The following SNX21 variants were observed in gnomAD, a reference collection of about 807,000 sequenced individuals.
The protein encoded by SNX21 is sorting nexin family member 21.
In SNX21, 36 loss-of-function variants were observed where a neutral mutation model predicts 30.9. The observed-to-expected ratio is 1.16, with a 90% CI of 0.89 to 1.54. The LOEUF (loss-of-function observed/expected upper bound fraction) is 1.54, where lower values mean the gene tolerates loss of function less well. SNX21 is among the 40% of genes most tolerant of loss of function. The probability of loss-of-function intolerance (pLI) is 0.00; values close to 1 mark genes in which losing one functional copy is unlikely to be tolerated. For synonymous variants in SNX21, 218 were observed against 222.7 expected, an observed-to-expected ratio of 0.98 and a Z score of 0.19; for missense variants, 508 against 516.5, an observed-to-expected ratio of 0.98 and a Z score of 0.16.
At position 45,834,978 on chromosome 20, in the gene SNX21, TGGGCAGTG is replaced by T. The variant is rs768332683; in HGVS notation, c.317_324del (p.Trp106SerfsTer31). The T allele has an allele frequency of 6.2e-7, 1 of 1,614,020 alleles. No homozygotes were observed. Among genetic ancestry groups the T allele is most frequent in the South Asian group, 1.1e-5 (1 of 91,074 alleles). ...CTGCAGAACGGAGCCCCCCACCTGA[TGGGCAGTG>T]GGGCAGTCAGCTCCTGGCGCGGCAG... On this transcript the variant is annotated frameshift_variant, in exon 3 of 4. Coordinates refer to ENST00000491381, the MANE Select transcript of SNX21 (RefSeq NM_033421.4). LOFTEE classifies it high-confidence loss of function.
chr20:45,834,242 C>G lies in SNX21; in HGVS notation c.63C>G (p.Ala21=), dbSNP rs767305327. 38 of 1,570,676 alleles carry G rather than the reference C, an allele frequency of 2.4e-5. No individual in the cohort carries two copies. In the African/African-American group the frequency reaches 4.2e-4, roughly 17 times the overall value. Residue 21 remains alanine (A), a synonymous_variant, in exon 2 of 4, where the codon GCC becomes GCG. Transcript: ENST00000491381. ...ASRLLHRLRH[A]LAGDGPGEAA... is the part of the protein sequence containing the mutation. ...GGCTCCTGCACCGGCTGCGGCACGC[C>G]TTGGCCGGCGACGGCCCCGGGGAGG...
intron 2 of SNX21, 130 bp downstream of exon 2, chr20:45,834,598 C>T (rs1983352626): frequency 1.6e-6 from 2 of 1,231,350 alleles, no homozygotes; most frequent in African/African-American, 1.5e-5. Context: ...GCGCCTGGGC[C>T]ACCTCTTGGC....
chr20:45,842,011 T>G lies in SNX21; in HGVS notation c.*698T>G. On this transcript the variant is annotated 3_prime_UTR_variant, in exon 4 of 4. Transcript: ENST00000491381. ...CTGCTTCAGAACAGCCAAATACACT[T>G]TTTTTTTTTTTCCTGAAACAGAGTC... 1 of 974,384 alleles carries G rather than the reference T, an allele frequency of 1.0e-6. No individual in the cohort carries two copies. Among genetic ancestry groups the G allele is most frequent in the Non-Finnish European group, 1.5e-6 (1 of 672,214 alleles). 60.4% of individuals were successfully genotyped at this position (974,384 alleles called of 1,614,324 possible). A position where few individuals can be genotyped will look rare whatever the true frequency, so the allele number is the denominator to read the frequency against.
rs140821655 is a variant in SNX21, at chr20:45,840,741, C to T, written c.550C>T (p.Arg184Trp). 1.9e-5 allele frequency: 30 copies of T among 1,614,048 alleles called. 1 individual carries two copies. The highest frequency in any genetic ancestry group is 1.5e-4 in the Admixed American group (9 of 60,012). Residue 184 changes from arginine (R) to tryptophan (W), a missense_variant, in exon 4 of 4, where the codon CGG becomes TGG. Transcript: ENST00000491381. ...DFERLHRNLQ[R>W]QFRGPMAAIS... ...TGAGCGGCTGCACCGAAACCTGCAG[C>T]GGCAATTCCGGGGCCCAATGGCTGC...
At chr20:45,836,962 C>A (rs1401964866) in intron 3 of SNX21, among the ~76,000 whole-genome samples, 4 of 152,208 alleles carry the variant, frequency 2.6e-5, no homozygotes, top group African/African-American at 9.6e-5. Context: ...TGTTTTCCAG[C>A]TGTGTGACTT....
Position 45,841,096 on chromosome 20 carries a change from C to A in SNX21, c.905C>A (p.Ala302Asp). 6.2e-7 allele frequency: 1 copy of A among 1,609,258 alleles called. No homozygotes were observed. The highest frequency in any genetic ancestry group is 8.5e-7 in the Non-Finnish European group (1 of 1,178,362). The part of the protein sequence containing the change: ...CHQELEDPGE[A>D]RACCEKALQL... ...CAGGAGCTGGAAGACCCTGGAGAGG[C>A]CCGGGCATGCTGTGAGAAGGCCCTG... Residue 302 changes from alanine to aspartate, a missense_variant, in exon 4 of 4, where the codon GCC (alanine) becomes GAC (aspartate). Transcript: ENST00000491381.
chr20:45,841,426 A>T lies in SNX21; in HGVS notation c.*113A>T. 4 of 1,472,604 alleles carry T rather than the reference A, an allele frequency of 2.7e-6. No homozygotes were observed. The South Asian group carries it at 6.0e-5, about 22-fold the overall frequency. The allele number at this position is 1,472,604 out of a possible 1,614,324, so 91.2% of individuals were successfully genotyped here. On this transcript the variant is annotated 3_prime_UTR_variant, in exon 4 of 4. Transcript: ENST00000491381. ...GCTGCAGAGGGTGCTGGGAGCCCCT[A>T]GAAGTTCCAAAAGAGAATGTGAAGC...
chr20:45,834,815 C>A, intron 2 of SNX21, 144 bp from the exon 3 acceptor site: 3 of 1,105,980 alleles, frequency 2.7e-6, no homozygotes, highest in Non-Finnish European at 3.9e-6. Context: ...TTTGGCTCCT[C>A]GGTGCCTCTC....
chr20:45,833,889 C>T lies in SNX21; in HGVS notation c.-31C>T. Reference sequence around the variant, plus strand: ...CCTCCATGGGCTGCGGGGGGCTGCACCCGGACCCCTGGGGCGCGGCGCGCC... The same window carrying T: ...CCTCCATGGGCTGCGGGGGGCTGCATCCGGACCCCTGGGGCGCGGCGCGCC... On this transcript the variant is annotated 5_prime_UTR_variant, in exon 1 of 4. Coordinates refer to ENST00000491381, the MANE Select transcript of SNX21 (RefSeq NM_033421.4). The T allele has an allele frequency of 7.3e-7, 1 of 1,364,830 alleles. No individual in the cohort carries two copies. Among genetic ancestry groups the T allele is most frequent in the South Asian group, 1.9e-5 (1 of 53,934 alleles). The allele number at this position is 1,364,830 out of a possible 1,614,324, so 84.5% of individuals were successfully genotyped here.
intron 3 of SNX21, 119 bp downstream of exon 3, chr20:45,835,235 A>G (rs1332904683): frequency 8.3e-7 from 1 of 1,208,202 alleles, no homozygotes; most frequent in Non-Finnish European, 1.1e-6. Context: ...TTGTTTACAA[A>G]TGGGGAAACT....
At chr20:45,838,745 CTAAA>C (rs369272991) in intron 3 of SNX21, among the ~76,000 whole-genome samples, 75 of 151,900 alleles carry the variant, frequency 4.9e-4, no homozygotes, top group African/African-American at 1.5e-3. Context: ...CAGGGCGAGA[CTAAA>C]TAAATAAATA....
chr20:45,842,084 T>C lies in SNX21; in HGVS notation c.*771T>C. The stretch of plus-strand genomic sequence containing the variant: ...TCAAGCGCCTGGGTTCAAGGGATCC[T>C]CCCGCCTCAGCCTCCTGAGCAGCTG... On this transcript the variant is annotated 3_prime_UTR_variant, in exon 4 of 4. Coordinates refer to ENST00000491381, the MANE Select transcript of SNX21 (RefSeq NM_033421.4). 2 of 1,538,124 alleles carry C rather than the reference T, an allele frequency of 1.3e-6. No individual in the cohort carries two copies. The highest frequency in any genetic ancestry group is 8.7e-7 in the Non-Finnish European group (1 of 1,146,824).
At position 45,837,345 on chromosome 20, in the gene SNX21, A is replaced by G. The variant is rs189145283; in HGVS notation, c.447+2229A>G. ...AAGGTTTTGCAGGCAATATGTTTTG[A>G]GAATGCAGAGTTAAATGAGAATACA... On this transcript the variant is annotated intron_variant, in intron 3 of 3. Transcript: ENST00000491381. Among the ~76,000 whole-genome samples, 4 of 152,378 alleles carry G rather than the reference A, an allele frequency of 2.6e-5. No individual in the cohort carries two copies. The East Asian group carries it at 7.7e-4, about 29-fold the overall frequency.
Position 45,843,127 on chromosome 20 carries a change from A to C in SNX21, c.*1814A>C, listed in dbSNP as rs115135254. ...AATCTTGAGGGTGGAATCAGAATCTATTTTGAAAAGGCATCCCCAAATGGC... is the reference window on the plus strand; with the variant it reads ...AATCTTGAGGGTGGAATCAGAATCTCTTTTGAAAAGGCATCCCCAAATGGC... On this transcript the variant is annotated 3_prime_UTR_variant, in exon 4 of 4. Coordinates refer to ENST00000491381, the MANE Select transcript of SNX21 (RefSeq NM_033421.4). The C allele has an allele frequency of 2.9e-3, 2,953 of 1,004,388 alleles. 64 individuals are homozygous for C. In the African/African-American group the frequency reaches 0.044, roughly 15 times the overall value. The allele number at this position is 1,004,388 out of a possible 1,614,324, so 62.2% of individuals were successfully genotyped here.
In SNX21 at chr20:45,834,962, G is replaced by A. The variant is rs1299006840; in HGVS notation, c.293G>A (p.Arg98Gln). The A allele has an allele frequency of 1.2e-6, 2 of 1,613,388 alleles. No homozygotes were observed. Among genetic ancestry groups the A allele is most frequent in the Non-Finnish European group, 1.7e-6 (2 of 1,179,666 alleles). Residue 98 changes from arginine to glutamine, a missense_variant, in exon 3 of 4, where the codon CGG becomes CAG. Physicochemically the swap from Arg to Gln is conservative, Grantham distance 43. Coordinates refer to ENST00000491381, the MANE Select transcript of SNX21 (RefSeq NM_033421.4). ...GDGTSGEDAE[R>Q]SPPPDGQWGS... ...ATGACTGGTCATGTGTCTGCAGAAC[G>A]GAGCCCCCCACCTGATGGGCAGTGG...
intron 3 of SNX21, among the ~76,000 whole-genome samples, chr20:45,838,978 C>T (rs1204304837): frequency 6.6e-6 from 1 of 151,606 alleles, no homozygotes; most frequent in African/African-American, 2.4e-5. Context: ...ACCACAACCT[C>T]CACCTCCCAG....
intron 1 of SNX21, 60 bp from the exon 2 acceptor site, chr20:45,834,141 C>A: frequency 7.0e-7 from 1 of 1,429,388 alleles, no homozygotes; most frequent in Admixed American, 2.9e-5. Flanking sequence ...CCTCCTCCTG[C>A]GCCGGGCTGG....
In SNX21 at chr20:45,840,634, T is replaced by C; in HGVS notation, c.448-5T>C. 3 of 1,613,442 alleles carry C rather than the reference T, an allele frequency of 1.9e-6. No homozygotes were observed. Among genetic ancestry groups the C allele is most frequent in the Non-Finnish European group, 2.5e-6 (3 of 1,179,788 alleles). ...CATTTGCCCTGACACCCACCCTCCC[T>C]GCAGCTCTACACCCTCGCCGTGATC... On this transcript the variant is annotated splice_region_variant and splice_polypyrimidine_tract_variant and intron_variant, in intron 3 of 3. Coordinates refer to ENST00000491381, the MANE Select transcript of SNX21 (RefSeq NM_033421.4).
Position 45,834,332 on chromosome 20 carries a change from G to A in SNX21, c.153G>A (p.Glu51=). The change falls in exon 2 of 4, where the codon GAG becomes GAA. Residue 51 remains glutamate (E), a synonymous_variant. Coordinates refer to ENST00000491381, the MANE Select transcript of SNX21 (RefSeq NM_033421.4). ...ESSELEDDDA[E]GLSSRLSGTL... The stretch of plus-strand genomic sequence containing the variant: ...CAGAGCTGGAGGACGACGACGCCGA[G>A]GGCCTGTCCTCCCGACTCAGCGGCA... The A allele has an allele frequency of 1.3e-6, 2 of 1,599,244 alleles. No homozygotes were observed. Among genetic ancestry groups the A allele is most frequent in the South Asian group, 1.1e-5 (1 of 89,672 alleles).
Sources: gnomAD v4.1 joint callset for allele counts (sites outside exome capture counted in the v4.1 genomes callset) on GRCh38, gnomAD v4.1.1 for gene constraint, MANE v1.5 for transcripts, NCBI Gene and HGNC (gene_info 2026-07-23, HGNC 2026-07-21) for gene names.